The following PTPRO variants were observed in gnomAD, a reference collection of about 807,000 sequenced individuals.
The protein encoded by PTPRO is protein tyrosine phosphatase receptor type O.
PTPRO carries 62 observed loss-of-function variants against 145.2 expected under a neutral mutation model. The observed-to-expected ratio is 0.43, with a 90% CI of 0.35 to 0.53. The LOEUF (loss-of-function observed/expected upper bound fraction) is 0.53, where lower values mean the gene tolerates loss of function less well. PTPRO is among the 20% of genes least tolerant of loss of function. The pLI is 0.01. For synonymous variants in PTPRO, 565 were observed against 514.7 expected, an observed-to-expected ratio of 1.10 and a Z score of -1.32; for missense variants, 1,345 against 1,482.7, an observed-to-expected ratio of 0.91 and a Z score of 1.53.
intron 21 of PTPRO, 48 bp from the exon 22 acceptor site, chr12:15,580,649 G>A: frequency 6.2e-7 from 1 of 1,612,848 alleles, no homozygotes; most frequent in Non-Finnish European, 8.5e-7. Flanking sequence ...GCAGCATTTG[G>A]TGTTGACAGT....
At chr12:15,463,974 C>A (rs57722811) in intron 1 of PTPRO, among the ~76,000 whole-genome samples, 1 of 152,220 alleles carries the variant, frequency 6.6e-6, no homozygotes, top group African/African-American at 2.4e-5. Context: ...TCTCAAGTTC[C>A]AAACAGTAAA....
intron 1 of PTPRO, among the ~76,000 whole-genome samples, chr12:15,323,856 AG>A (rs1866371045): frequency 6.6e-6 from 1 of 152,228 alleles, no homozygotes; most frequent in Admixed American, 6.5e-5. Flanking sequence ...ATGCCTAAAA[AG>A]AATATAATGG....
At chr12:15,412,540 T>C (rs186077025) in intron 1 of PTPRO, among the ~76,000 whole-genome samples, 12 of 152,376 alleles carry the variant, frequency 7.9e-5, no homozygotes, top group Non-Finnish European at 1.3e-4. Context: ...TCATCCTCTG[T>C]ATAACTAGTT....
chr12:15,581,628 A>ATTCC, intron 22 of PTPRO, 51 bp from the exon 23 acceptor site: 1 of 1,598,954 alleles, frequency 6.3e-7, no homozygotes, highest in Non-Finnish European at 8.6e-7. Flanking sequence ...AGCACACTTA[A>ATTCC]TTCCTTTCCT....
intron 15 of PTPRO, 135 bp downstream of exon 15, chr12:15,551,806 T>C: frequency 1.1e-6 from 1 of 932,350 alleles, no homozygotes; most frequent in Non-Finnish European, 1.6e-6. Flanking sequence ...TTCTATTGTG[T>C]GTGTTTTCTA....
intron 12 of PTPRO, among the ~76,000 whole-genome samples, chr12:15,535,221 T>C (rs1943043440): frequency 6.6e-6 from 1 of 152,110 alleles, no homozygotes; most frequent in African/African-American, 2.4e-5. Context: ...CCGGTGCAGA[T>C]GTGAAGGCCA....
chr12:15,575,344 G>A (rs1944158606), intron 19 of PTPRO, among the ~76,000 whole-genome samples: 1 of 152,124 alleles, frequency 6.6e-6, no homozygotes, highest in Admixed American at 6.5e-5. Context: ...TGAACTTCCC[G>A]AGGCTCCACC....
intron 12 of PTPRO, among the ~76,000 whole-genome samples, chr12:15,532,156 T>G (rs1257338043): frequency 6.6e-6 from 1 of 152,140 alleles, no homozygotes; most frequent in Non-Finnish European, 1.5e-5. Flanking sequence ...AAAAGCTAAG[T>G]TTTTGTGCTG....
At chr12:15,548,930 T>C (rs1943376478) in intron 13 of PTPRO, among the ~76,000 whole-genome samples, 164 bp from the exon 14 acceptor site, 1 of 152,102 alleles carries the variant, frequency 6.6e-6, no homozygotes, top group Admixed American at 6.6e-5. Context: ...AGGGAATTGG[T>C]CAGATGGGGA....
At chr12:15,447,603 C>G (rs1940932641) in intron 1 of PTPRO, among the ~76,000 whole-genome samples, 1 of 152,136 alleles carries the variant, frequency 6.6e-6, no homozygotes, top group South Asian at 2.1e-4. Flanking sequence ...TTAAAGACAA[C>G]TAGTGAATTC....
At chr12:15,570,236 C>G (rs1371739304) in intron 19 of PTPRO, among the ~76,000 whole-genome samples, 2 of 152,016 alleles carry the variant, frequency 1.3e-5, no homozygotes, top group African/African-American at 4.8e-5. Context: ...AAATGGCCCC[C>G]CATCCTTCAG....
chr12:15,452,205 A>T (rs1188608844), intron 1 of PTPRO, among the ~76,000 whole-genome samples: 1 of 152,232 alleles, frequency 6.6e-6, no homozygotes, highest in Non-Finnish European at 1.5e-5. Context: ...ATTCAAAGTT[A>T]CTATGAACAC....
chr12:15,403,880 A>G (rs1330353143), intron 1 of PTPRO, among the ~76,000 whole-genome samples: 1 of 151,996 alleles, frequency 6.6e-6, no homozygotes, highest in African/African-American at 2.4e-5. Flanking sequence ...TGGTCTTATT[A>G]TTTATTTTAT....
At chr12:15,399,479 A>G (rs1057302273) in intron 1 of PTPRO, among the ~76,000 whole-genome samples, 1 of 152,214 alleles carries the variant, frequency 6.6e-6, no homozygotes, top group African/African-American at 2.4e-5. Flanking sequence ...AGGGCCTCAC[A>G]TAATAAAATC....
intron 12 of PTPRO, among the ~76,000 whole-genome samples, chr12:15,528,375 AAT>A (rs1042717795): frequency 6.7e-6 from 1 of 150,102 alleles, no homozygotes; most frequent in African/African-American, 2.5e-5. Context: ...AAAAAAAAAA[AAT>A]TAGCCAGCAT....
chr12:15,540,600 A>G lies in PTPRO; in HGVS notation c.2165-5969A>G, dbSNP rs781221993. 3.7e-4 allele frequency among the ~76,000 whole-genome samples: 57 copies of G among 152,380 alleles called. 1 individual carries two copies. Among genetic ancestry groups the G allele is most frequent in the Admixed American group, 1.1e-3 (17 of 15,308 alleles). On this transcript the variant is annotated intron_variant, in intron 12 of 26. Transcript: ENST00000281171. Reference sequence around the variant, plus strand: ...AAGAAGAAACAATGTAATAGCTATCAGAGAAAGATGGGTTTTAGACAATAA... The same window carrying G: ...AAGAAGAAACAATGTAATAGCTATCGGAGAAAGATGGGTTTTAGACAATAA...
chr12:15,365,826 T>C (rs143977924), intron 1 of PTPRO, among the ~76,000 whole-genome samples: 26 of 152,180 alleles, frequency 1.7e-4, no homozygotes, highest in African/African-American at 6.3e-4. Context: ...ATCCCTGCAC[T>C]AAAGGGCTAT....
At chr12:15,585,053 A>T (rs1400943328) in intron 23 of PTPRO, among the ~76,000 whole-genome samples, 6 of 152,196 alleles carry the variant, frequency 3.9e-5, no homozygotes. Flanking sequence ...GGCTGACCCC[A>T]GTTCCAGGAC....
intron 19 of PTPRO, among the ~76,000 whole-genome samples, chr12:15,574,061 A>C (rs577641359): frequency 6.6e-6 from 1 of 152,210 alleles, no homozygotes; most frequent in East Asian, 1.9e-4. Flanking sequence ...TGACATTGAA[A>C]TATCACATTC....
Sources: allele counts gnomAD v4.1 joint callset (sites outside exome capture counted in the v4.1 genomes callset), GRCh38; gene constraint gnomAD v4.1.1; transcripts MANE v1.5; gene names NCBI Gene and HGNC (gene_info 2026-07-23, HGNC 2026-07-21).